DCDC1: variants seen among roughly 807,000 people sequenced by gnomAD.
DCDC1 encodes doublecortin domain containing 1.
Under a neutral mutation model 178.3 loss-of-function variants are expected in DCDC1, and 200 were observed. The ratio of observed to expected loss-of-function variants is 1.12; its 90% CI spans 1.00 to 1.26. The LOEUF (loss-of-function observed/expected upper bound fraction) is 1.26, where lower values mean the gene tolerates loss of function less well. Ranked by LOEUF, DCDC1 falls within the 50% of genes most tolerant of loss-of-function variation. The pLI, the probability that DCDC1 is intolerant of heterozygous loss-of-function variation, is 0.00. For synonymous variants in DCDC1, 690 were observed against 604.8 expected (o/e 1.14, Z -2.07); for missense variants, 1,983 against 1,749.2 (o/e 1.13, Z -2.38).
intron 20 of DCDC1, among the ~76,000 whole-genome samples, chr11:30,965,522 T>C (rs913194384): frequency 2.7e-5 from 4 of 149,020 alleles, no homozygotes; most frequent in African/African-American, 9.8e-5. Context: ...ACCAGAGATA[T>C]CTTAGAAAAT....
At chr11:31,100,738 G>A (rs1278374285) in intron 15 of DCDC1, among the ~76,000 whole-genome samples, 1 of 152,158 alleles carries the variant, frequency 6.6e-6, no homozygotes, top group East Asian at 1.9e-4. Flanking sequence ...TAGATTAGAG[G>A]AGAATCATGG....
intron 38 of DCDC1, among the ~76,000 whole-genome samples, chr11:30,872,785 T>G (rs2133930010): frequency 6.6e-6 from 1 of 152,208 alleles, no homozygotes; most frequent in Middle Eastern, 3.4e-3. Flanking sequence ...CCTCCAGTAA[T>G]TCTCTAACTG....
chr11:31,334,213 T>C (rs951493021), intron 2 of DCDC1, among the ~76,000 whole-genome samples: 3 of 152,232 alleles, frequency 2.0e-5, no homozygotes, highest in African/African-American at 7.2e-5. Context: ...TCTTGTGCCA[T>C]GGTTTTCAGC....
rs1973760485 is a variant in DCDC1 at position 31,217,729 on chromosome 11, A to G, written c.1221+23721T>C. On this transcript the variant is annotated intron_variant, in intron 9 of 38. Transcript: ENST00000684477. ...AAAAATAAGAAGTAGTAAAACACAT[A>G]TTATTATAAATGATACAACATTTAA... Among the ~76,000 whole-genome samples the G allele has an allele frequency of 2.0e-5, 3 of 152,188 alleles. No individual in the cohort carries two copies. In the South Asian group the frequency reaches 6.2e-4, roughly 31 times the overall value.
intron 20 of DCDC1, among the ~76,000 whole-genome samples, chr11:31,034,341 GA>G (rs921624774): frequency 1.3e-5 from 2 of 151,930 alleles, no homozygotes; most frequent in African/African-American, 4.8e-5. Flanking sequence ...ATTAAAGTAA[GA>G]AAAATATTTT....
intron 1 of DCDC1, among the ~76,000 whole-genome samples, chr11:31,365,572 A>G (rs1323719211): frequency 6.6e-6 from 1 of 152,158 alleles, no homozygotes; most frequent in Non-Finnish European, 1.5e-5. Flanking sequence ...TGAGAAGCAC[A>G]ATTGACTAGT....
At chr11:31,343,639 C>T (rs765391386) in intron 1 of DCDC1, among the ~76,000 whole-genome samples, 34 of 151,994 alleles carry the variant, frequency 2.2e-4, no homozygotes, top group Non-Finnish European at 3.5e-4. Flanking sequence ...AAAATAAGGG[C>T]GGGGCACAAT....
At chr11:30,919,808 G>A (rs1171005441) in intron 25 of DCDC1, among the ~76,000 whole-genome samples, 1 of 152,132 alleles carries the variant, frequency 6.6e-6, no homozygotes, top group Non-Finnish European at 1.5e-5. Flanking sequence ...AGAGGTAATT[G>A]GCCAGGTATT....
At chr11:31,291,079 T>C (rs780649704) in intron 6 of DCDC1, among the ~76,000 whole-genome samples, 76 of 152,120 alleles carry the variant, frequency 5.0e-4, no homozygotes, top group Admixed American at 4.3e-3. Flanking sequence ...AGGGAACAGA[T>C]GTTCAGGGTA....
At position 30,871,897 on chromosome 11, in the gene DCDC1, T is replaced by C. The variant is rs1342199622; in HGVS notation, c.*41-6565A>G. 5.3e-5 allele frequency among the ~76,000 whole-genome samples: 8 copies of C among 150,448 alleles called. No homozygotes were observed. In the Admixed American group the frequency reaches 5.4e-4, roughly 10 times the overall value. On this transcript the variant is annotated intron_variant, in intron 38 of 38. Transcript: ENST00000684477. ...ACATATGTATACATATATATACACA[T>C]ATATATACACACATATATGTACACA...
In DCDC1 at chr11:31,076,901, C is replaced by T. The variant is rs192099163; in HGVS notation, c.2298+964G>A. Among the ~76,000 whole-genome samples the T allele has an allele frequency of 1.7e-3, 253 of 152,216 alleles. 3 individuals are homozygous for T. The highest frequency in any genetic ancestry group is 6.0e-4 in the Non-Finnish European group (41 of 68,000). On this transcript the variant is annotated intron_variant, in intron 18 of 38. Transcript: ENST00000684477. ...ACAGAGGAACTCACTCTCCCTCTCC[C>T]ATATTGGGTATTCACTTGCCATTTT...
chr11:31,206,751 T>C (rs1971915347), intron 9 of DCDC1, among the ~76,000 whole-genome samples: 1 of 152,158 alleles, frequency 6.6e-6, no homozygotes, highest in Admixed American at 6.6e-5. Context: ...GTGGAAAGAA[T>C]TTCAGAGATT....
intron 9 of DCDC1, among the ~76,000 whole-genome samples, chr11:31,146,073 CTTT>C (rs35032604): frequency 1.5e-5 from 2 of 136,794 alleles, no homozygotes; most frequent in African/African-American, 2.7e-5. Context: ...TTAATCCAGT[CTTT>C]TTTTTTTTTT....
At chr11:31,081,471 G>A (rs1590975439) in intron 17 of DCDC1, among the ~76,000 whole-genome samples, 1 of 152,082 alleles carries the variant, frequency 6.6e-6, no homozygotes, top group African/African-American at 2.4e-5. Context: ...TTAGCCGGGT[G>A]TGGTGGCACA....
chr11:30,900,562 T>C, intron 32 of DCDC1, 64 bp from the exon 33 acceptor site: 1 of 1,320,228 alleles, frequency 7.6e-7, no homozygotes. Context: ...GTTTTCTGAA[T>C]TTGTTTATTC....
chr11:31,133,232 A>G (rs1009591384), intron 10 of DCDC1, among the ~76,000 whole-genome samples: 1 of 152,164 alleles, frequency 6.6e-6, no homozygotes, highest in Non-Finnish European at 1.5e-5. Flanking sequence ...TGTGGGCTTG[A>G]ATCCACCCAT....
At chr11:31,065,299 A>T (rs1956184659) in intron 18 of DCDC1, 146 bp from the exon 19 acceptor site, 1 of 468,176 alleles carries the variant, frequency 2.1e-6, no homozygotes, top group South Asian at 4.7e-5. Context: ...CAATTTCATA[A>T]CAGAATCAAG....
At chr11:31,164,326 G>T (rs1966586021) in intron 9 of DCDC1, among the ~76,000 whole-genome samples, 1 of 152,094 alleles carries the variant, frequency 6.6e-6, no homozygotes, top group African/African-American at 2.4e-5. Context: ...AACCACCATG[G>T]ACATATTTCT....
chr11:31,334,346 G>T (rs1950163057), intron 2 of DCDC1, among the ~76,000 whole-genome samples: 1 of 152,172 alleles, frequency 6.6e-6, no homozygotes, highest in African/African-American at 2.4e-5. Context: ...GCTCAGAGAA[G>T]TTTGTTATTA....
Sources: allele counts gnomAD v4.1 joint callset (sites outside exome capture counted in the v4.1 genomes callset), GRCh38; gene constraint gnomAD v4.1.1; transcripts MANE v1.5; gene names NCBI Gene and HGNC (gene_info 2026-07-23, HGNC 2026-07-21).